UBQLN4: variants seen among roughly 807,000 people sequenced by gnomAD.
UBQLN4 encodes ubiquilin-4.
In UBQLN4, 11 loss-of-function variants were observed where a neutral mutation model predicts 60.4. The observed-to-expected ratio is 0.18, with a 90% CI of 0.11 to 0.30. The LOEUF (loss-of-function observed/expected upper bound fraction) is 0.30, where lower values mean the gene tolerates loss of function less well. UBQLN4 is among the 10% of genes least tolerant of loss of function. The pLI is 1.00. For missense variants in UBQLN4, 417 were observed against 795.5 expected (o/e 0.52, Z 5.72); for synonymous variants, 258 against 313.1 (o/e 0.82, Z 1.86).
intron 9 of UBQLN4, 87 bp downstream of exon 9, chr1:156,041,785 C>T: frequency 6.8e-7 from 1 of 1,467,108 alleles, no homozygotes; most frequent in Non-Finnish European, 9.1e-7. Flanking sequence ...CTCAGAGACA[C>T]AAAGGATGCT....
chr1:156,034,878 T>TC, downstream of UBQLN4, among the ~76,000 whole-genome samples: 1 of 124,216 alleles, frequency 8.1e-6, no homozygotes, highest in Non-Finnish European at 1.7e-5. Context: ...TATAATTTTT[T>TC]TTTCTTTTGA....
chr1:156,049,638 A>T (rs1396690769), intron 4 of UBQLN4, among the ~76,000 whole-genome samples: 1 of 152,216 alleles, frequency 6.6e-6, no homozygotes, highest in Non-Finnish European at 1.5e-5. Context: ...ACTACCACGC[A>T]CCAGGCACTG....
chr1:156,035,196 C>G, downstream of UBQLN4: 5 of 943,784 alleles, frequency 5.3e-6, no homozygotes, highest in Non-Finnish European at 6.3e-6. Flanking sequence ...TCTGTAGTAA[C>G]TGAACCAAAC....
chr1:156,045,390 C>T (rs772116394), intron 5 of UBQLN4, among the ~76,000 whole-genome samples: 4 of 152,184 alleles, frequency 2.6e-5, no homozygotes, highest in Non-Finnish European at 5.9e-5. Flanking sequence ...CACCTCACCC[C>T]ACCTTGTTCT....
rs544014818 is a variant in UBQLN4 at position 156,036,303 on chromosome 1, C to A, written c.*675G>T. The A allele has an allele frequency of 1.8e-4, 175 of 985,660 alleles. No individual in the cohort carries two copies. Among genetic ancestry groups the A allele is most frequent in the Non-Finnish European group, 2.0e-4 (168 of 829,990 alleles). 61.1% of individuals were successfully genotyped at this position (985,660 alleles called of 1,614,324 possible). A position where few individuals can be genotyped will look rare whatever the true frequency, so the allele number is the denominator to read the frequency against. ...AATAATCTCATTCCCTCCTCTTTCA[C>A]ACGAATTTCCTCTGGGCTGCTCCAG... On this transcript the variant is annotated 3_prime_UTR_variant, in exon 11 of 11. Transcript: ENST00000368309.
At chr1:156,053,345 C>T (rs936863723) in intron 1 of UBQLN4, among the ~76,000 whole-genome samples, 2 of 152,002 alleles carry the variant, frequency 1.3e-5, no homozygotes, top group African/African-American at 2.4e-5. Context: ...AAGGTGTCCC[C>T]TCCTCACTCT....
intron 7 of UBQLN4, 81 bp from the exon 8 acceptor site, chr1:156,042,317 C>A: frequency 6.8e-7 from 1 of 1,479,852 alleles, no homozygotes; most frequent in Non-Finnish European, 8.9e-7. Flanking sequence ...TCCCTGGGCA[C>A]CCCCTACCAC....
At chr1:156,043,344 G>C (rs1039463069) in intron 6 of UBQLN4, among the ~76,000 whole-genome samples, 1 of 152,192 alleles carries the variant, frequency 6.6e-6, no homozygotes, top group Non-Finnish European at 1.5e-5. Flanking sequence ...GAGGGCTGCA[G>C]CCTCTCCCAT....
chr1:156,042,029 G>C (rs1203756588), intron 8 of UBQLN4, 42 bp from the exon 9 acceptor site: 1 of 1,612,980 alleles, frequency 6.2e-7, no homozygotes, highest in Non-Finnish European at 8.5e-7. Flanking sequence ...GAGGTGGCAG[G>C]AAAGAGGAGA....
In UBQLN4 at chr1:156,036,370, T is replaced by C; in HGVS notation, c.*608A>G. ...TCCAGAGAGCTGTCTCATCTCCCTCTTCAGACAGGGAGAACAGGCATCTTC... is the reference window on the plus strand; with the variant it reads ...TCCAGAGAGCTGTCTCATCTCCCTCCTCAGACAGGGAGAACAGGCATCTTC... On this transcript the variant is annotated 3_prime_UTR_variant, in exon 11 of 11. Coordinates refer to ENST00000368309, the MANE Select transcript of UBQLN4 (RefSeq NM_020131.5). 1.0e-6 allele frequency: 1 copy of C among 985,724 alleles called. No homozygotes were observed. The allele number at this position is 985,724 out of a possible 1,614,324, so 61.1% of individuals were successfully genotyped here.
chr1:156,043,966 C>T (rs1018432719), intron 6 of UBQLN4, 32 bp downstream of exon 6: 4 of 1,608,296 alleles, frequency 2.5e-6, no homozygotes, highest in Non-Finnish European at 3.4e-6. Context: ...GCCCTGGTGA[C>T]CCCACTAAGC....
chr1:156,034,825 C>CTATATA (rs34720108), downstream of UBQLN4, among the ~76,000 whole-genome samples: 1,130 of 46,138 alleles, frequency 0.024, 47 homozygotes, highest in Non-Finnish European at 0.032. Context: ...CCTTAACCTT[C>CTATATA]TATATATATA....
intron 5 of UBQLN4, among the ~76,000 whole-genome samples, chr1:156,047,751 C>T (rs370442508): frequency 1.3e-5 from 2 of 150,554 alleles, no homozygotes; most frequent in East Asian, 2.0e-4. Context: ...AAAAGTTAGC[C>T]GGGCGTGGTG....
Position 156,051,717 on chromosome 1 carries a change from C to T in UBQLN4, c.249G>A (p.Lys83=). ...KDGLTVHLVI[K]TPQKAQDPAA... is the part of the protein sequence containing the mutation. Reference sequence around the variant, plus strand: ...GCTCCTGAACTTACTTCTGAGGGGTCTTGATGACCAGATGGACAGTGAGCC... The same window carrying T: ...GCTCCTGAACTTACTTCTGAGGGGTTTTGATGACCAGATGGACAGTGAGCC... The change falls in exon 2 of 11, where the codon AAG becomes AAA. Residue 83 remains lysine, a synonymous_variant. Transcript: ENST00000368309. 2 of 1,613,592 alleles carry T rather than the reference C, an allele frequency of 1.2e-6. No individual in the cohort carries two copies. Among genetic ancestry groups the T allele is most frequent in the Non-Finnish European group, 1.7e-6 (2 of 1,180,008 alleles).
At chr1:156,052,039 A>G (rs955271913) in intron 1 of UBQLN4, among the ~76,000 whole-genome samples, 182 bp from the exon 2 acceptor site, 1 of 152,104 alleles carries the variant, frequency 6.6e-6, no homozygotes. Context: ...AACAAAGGAG[A>G]TGAACCAGTG....
At chr1:156,034,823 TTC>T (rs1202153317), downstream of UBQLN4, among the ~76,000 whole-genome samples, 44 of 35,880 alleles carry the variant, frequency 1.2e-3, no homozygotes, top group African/African-American at 2.7e-3. Context: ...TCCCTTAACC[TTC>T]TATATATATA....
chr1:156,041,309 T>C (rs1683556912), intron 10 of UBQLN4, among the ~76,000 whole-genome samples, 176 bp downstream of exon 10: 1 of 152,226 alleles, frequency 6.6e-6, no homozygotes, highest in African/African-American at 2.4e-5. Context: ...CTCATCTCTA[T>C]TTCACATCTG....
intron 7 of UBQLN4, 186 bp from the exon 8 acceptor site, chr1:156,042,422 G>A: frequency 1.4e-6 from 2 of 1,415,332 alleles, no homozygotes; most frequent in East Asian, 2.6e-5. Context: ...TCTGGGTAAT[G>A]AAGAGTATGA....
chr1:156,032,406 G>C (rs903166295), downstream of UBQLN4, among the ~76,000 whole-genome samples: 3 of 151,612 alleles, frequency 2.0e-5, no homozygotes, highest in Admixed American at 6.6e-5. Flanking sequence ...AGCTACTTGG[G>C]AGGGCGAGGC....
Sources: gnomAD v4.1 joint callset for allele counts (sites outside exome capture counted in the v4.1 genomes callset) on GRCh38, gnomAD v4.1.1 for gene constraint, MANE v1.5 for transcripts, NCBI Gene and HGNC (gene_info 2026-07-23, HGNC 2026-07-21) for gene names.